The following RHOH variants were observed in gnomAD, a reference collection of about 807,000 sequenced individuals.
RHOH encodes rho-related GTP-binding protein RhoH.
A neutral mutation model predicts 13.8 loss-of-function variants in RHOH; 6 were observed. The observed-to-expected ratio is 0.44, with a 90% CI of 0.24 to 0.86. RHOH has a LOEUF of 0.86. RHOH is among the 40% of genes least tolerant of loss of function. The pLI is 0.24. For synonymous variants in RHOH, 117 were observed against 103.0 expected, an observed-to-expected ratio of 1.14 and a Z score of -0.82; for missense variants, 147 against 244.5, an observed-to-expected ratio of 0.60 and a Z score of 2.66.
At chr4:40,229,269 T>C (rs545467592) in intron 1 of RHOH, among the ~76,000 whole-genome samples, 47 of 152,342 alleles carry the variant, frequency 3.1e-4, no homozygotes, top group Non-Finnish European at 5.9e-5. Context: ...AAAGTCACTA[T>C]AGCGTAAAGT....
intron 1 of RHOH, among the ~76,000 whole-genome samples, chr4:40,241,911 T>A (rs112048839): frequency 0.067 from 10,210 of 152,062 alleles, 1,136 homozygotes; most frequent in African/African-American, 0.23. Flanking sequence ...AAAGAAAAAA[T>A]AAATGTTTTG....
chr4:40,233,146 G>C (rs1352109586), intron 1 of RHOH, among the ~76,000 whole-genome samples: 1 of 152,080 alleles, frequency 6.6e-6, no homozygotes, highest in Non-Finnish European at 1.5e-5. Flanking sequence ...TCTGTGCCAG[G>C]CACTATTCAA....
In RHOH at chr4:40,244,507, G is replaced by T; in HGVS notation, c.*545G>T. On this transcript the variant is annotated 3_prime_UTR_variant, in exon 3 of 3. Transcript: ENST00000381799. ...TAAATGGGTAATCAAATTTAAAAAT[G>T]ACCATAAATGAATCTTTGCAATTTG... is the stretch of plus-strand genomic sequence containing the variant. The T allele has an allele frequency of 4.8e-6, 1 of 210,256 alleles. No individual in the cohort carries two copies. 13.0% of individuals were successfully genotyped at this position (210,256 alleles called of 1,614,324 possible). A position where few individuals can be genotyped will look rare whatever the true frequency, so the allele number is the denominator to read the frequency against.
chr4:40,212,877 T>A (rs1579263062), intron 1 of RHOH: 1 of 152,222 alleles, frequency 6.6e-6, no homozygotes, highest in African/African-American at 2.4e-5. Flanking sequence ...TTGCAGGGGA[T>A]CCTTATCATG....
At chr4:40,215,655 G>A (rs962226849) in intron 1 of RHOH, among the ~76,000 whole-genome samples, 3 of 152,228 alleles carry the variant, frequency 2.0e-5, no homozygotes, top group Non-Finnish European at 4.4e-5. Context: ...GAAGTGGGAC[G>A]CAGTGGCTCA....
chr4:40,243,194 G>T lies in RHOH; in HGVS notation c.-193G>T. On this transcript the variant is annotated 5_prime_UTR_variant, in exon 3 of 3. Transcript: ENST00000381799. This position sits in a 1 kb window ranked among gnomAD's most constrained non-coding sequence, Gnocchi z 6.2. Reference sequence around the variant, plus strand: ...CTGTTCCAGTTGAAGACTAGGCTTTGGAGGTTTTCAAAGCAGACGGTGCTT... The same window carrying T: ...CTGTTCCAGTTGAAGACTAGGCTTTTGAGGTTTTCAAAGCAGACGGTGCTT... 1 of 490,554 alleles carries T rather than the reference G, an allele frequency of 2.0e-6. No individual in the cohort carries two copies. 30.4% of individuals were successfully genotyped at this position (490,554 alleles called of 1,614,324 possible). A position where few individuals can be genotyped will look rare whatever the true frequency, so the allele number is the denominator to read the frequency against.
chr4:40,238,416 C>T (rs1029763705), intron 1 of RHOH, among the ~76,000 whole-genome samples: 60 of 152,218 alleles, frequency 3.9e-4, no homozygotes, highest in Admixed American at 3.7e-3. Flanking sequence ...GGATTTCCTA[C>T]TGAACAGCCC....
At chr4:40,226,617 G>A (rs1327388923) in intron 1 of RHOH, among the ~76,000 whole-genome samples, 5 of 151,460 alleles carry the variant, frequency 3.3e-5, no homozygotes, top group African/African-American at 4.9e-5. Context: ...ATTGCATATC[G>A]GCAGCCTTAC....
chr4:40,225,236 C>T (rs1727078247), intron 1 of RHOH, among the ~76,000 whole-genome samples: 1 of 152,086 alleles, frequency 6.6e-6, no homozygotes. Flanking sequence ...CTCAGCCTCC[C>T]AAGTAGCTGG....
intron 1 of RHOH, among the ~76,000 whole-genome samples, chr4:40,203,560 G>C (rs897027032): frequency 6.6e-6 from 1 of 152,002 alleles, no homozygotes; most frequent in Non-Finnish European, 1.5e-5. Context: ...GAGAGAGTGT[G>C]TGTGTGTGTG....
chr4:40,197,871 C>T (rs145836582), intron 1 of RHOH, among the ~76,000 whole-genome samples: 273 of 152,178 alleles, frequency 1.8e-3, no homozygotes, highest in Middle Eastern at 6.8e-3. Context: ...AGATATGCTA[C>T]GAGGTACCAG....
chr4:40,213,161 A>G (rs1725463186), intron 1 of RHOH, among the ~76,000 whole-genome samples: 1 of 152,168 alleles, frequency 6.6e-6, no homozygotes, highest in African/African-American at 2.4e-5. Flanking sequence ...GAGAAGGGAA[A>G]ACAGACTTTT....
At chr4:40,206,133 T>C (rs1724610347) in intron 1 of RHOH, among the ~76,000 whole-genome samples, 1 of 152,234 alleles carries the variant, frequency 6.6e-6, no homozygotes, top group Non-Finnish European at 1.5e-5. Flanking sequence ...GCCAGGTCAT[T>C]ATGTCTAGCA....
At chr4:40,209,640 T>G (rs1725029226) in intron 1 of RHOH, 1 of 152,278 alleles carries the variant, frequency 6.6e-6, no homozygotes, top group Admixed American at 6.5e-5. Context: ...GAGATGGGGT[T>G]TCACCATGTT....
chr4:40,213,250 G>A (rs993017545), intron 1 of RHOH, among the ~76,000 whole-genome samples: 5 of 151,964 alleles, frequency 3.3e-5, no homozygotes, highest in African/African-American at 9.7e-5. Context: ...TTTACCCATG[G>A]GTAGCTAACT....
intron 1 of RHOH, chr4:40,205,694 C>G (rs1724562466): frequency 6.6e-6 from 1 of 152,152 alleles, no homozygotes; most frequent in Non-Finnish European, 1.5e-5. Flanking sequence ...TTAAATTAGC[C>G]AACCCTACTG....
chr4:40,246,452 CG>C lies in RHOH; in HGVS notation c.*2493del, dbSNP rs1729773928. The C allele has an allele frequency of 2.1e-5, 1 of 46,728 alleles. No homozygotes were observed. The allele number at this position is 46,728 out of a possible 1,614,324, so 2.9% of individuals were successfully genotyped here. ...CACAGGTGAGACCTCCACCTGTTGG[CG>C]GGAGCCAAGCTTAACAGCTCCGTCT... On this transcript the variant is annotated 3_prime_UTR_variant, in exon 3 of 3. Coordinates refer to ENST00000381799, the MANE Select transcript of RHOH (RefSeq NM_004310.5).
At chr4:40,193,142 T>G (rs548665514), upstream of RHOH, 2 of 152,564 alleles carry the variant, frequency 1.3e-5, no homozygotes, top group Admixed American at 6.5e-5. Context: ...TCTGGCCGTG[T>G]TAACACGACG....
At position 40,243,722 on chromosome 4, in the gene RHOH, G is replaced by C; in HGVS notation, c.336G>C (p.Leu112=). 6.2e-7 allele frequency: 1 copy of C among 1,614,146 alleles called. No homozygotes were observed. The highest frequency in any genetic ancestry group is 8.5e-7 in the Non-Finnish European group (1 of 1,180,032). The change falls in exon 3 of 3, where the codon CTG becomes CTC. Residue 112 remains leucine (L), a synonymous_variant. Coordinates refer to ENST00000381799, the MANE Select transcript of RHOH (RefSeq NM_004310.5). The surrounding 1 kb of genome is among the most constrained non-coding windows in gnomAD (Gnocchi z 6.2). ...IRSNLPCTPV[L]VVATQTDQRE... ...GCAACTTGCCCTGTACCCCTGTGCT[G>C]GTGGTGGCCACCCAGACTGACCAGC...
Sources: allele counts gnomAD v4.1 joint callset (sites outside exome capture counted in the v4.1 genomes callset), GRCh38; gene constraint gnomAD v4.1.1; non-coding constraint Gnocchi (gnomAD v3.1); transcripts MANE v1.5; gene names NCBI Gene and HGNC (gene_info 2026-07-23, HGNC 2026-07-21).